AGMO: variants seen among roughly 807,000 people sequenced by gnomAD.
AGMO encodes glyceryl-ether monooxygenase.
A neutral mutation model predicts 60.2 loss-of-function variants in AGMO; 75 were observed. That is an observed-to-expected ratio of 1.25 (90% CI 1.03 to 1.51). AGMO has a LOEUF of 1.51. AGMO is among the 40% of genes most tolerant of loss of function. The pLI is 0.00. For synonymous variants in AGMO, 261 were observed against 177.1 expected, an observed-to-expected ratio of 1.47 and a Z score of -3.76; for missense variants, 763 against 525.5, an observed-to-expected ratio of 1.45 and a Z score of -4.42.
Position 15,517,335 on chromosome 7 carries a change from A to G in AGMO, c.409+27437T>C, listed in dbSNP as rs114660720. Reference sequence around the variant, plus strand: ...GTGGGGTGTGTGTGTGTGTGTGTGTATATACTTATTTTTTTATTAAGGCAC... The same window carrying G: ...GTGGGGTGTGTGTGTGTGTGTGTGTGTATACTTATTTTTTTATTAAGGCAC... On this transcript the variant is annotated intron_variant, in intron 3 of 12. Transcript: ENST00000342526. Among the ~76,000 whole-genome samples, 606 of 150,674 alleles carry G rather than the reference A, an allele frequency of 4.0e-3. 2 individuals are homozygous for G. Among genetic ancestry groups the G allele is most frequent in the African/African-American group, 0.013 (527 of 40,900 alleles).
chr7:15,336,296 GTTTA>G (rs1377577493), intron 12 of AGMO, among the ~76,000 whole-genome samples: 1 of 128,108 alleles, frequency 7.8e-6, no homozygotes, highest in Admixed American at 7.3e-5. Context: ...CAGTTCTTTT[GTTTA>G]TTTAGAAAAT....
At chr7:15,530,803 T>C (rs1264019710) in intron 3 of AGMO, among the ~76,000 whole-genome samples, 1 of 117,674 alleles carries the variant, frequency 8.5e-6, no homozygotes, top group Non-Finnish European at 1.7e-5. Context: ...CATTTCTCTA[T>C]ATATTCTATA....
chr7:15,370,200 C>T (rs1393034140), intron 10 of AGMO, among the ~76,000 whole-genome samples: 1 of 152,148 alleles, frequency 6.6e-6, no homozygotes, highest in Non-Finnish European at 1.5e-5. Flanking sequence ...TAATGGCCTC[C>T]AGCTGCATTC....
At chr7:15,514,046 C>A (rs1373884426) in intron 3 of AGMO, among the ~76,000 whole-genome samples, 1 of 152,132 alleles carries the variant, frequency 6.6e-6, no homozygotes, top group Non-Finnish European at 1.5e-5. Context: ...TTTAATACCA[C>A]CAATATGCTA....
intron 3 of AGMO, among the ~76,000 whole-genome samples, chr7:15,538,358 G>C (rs1784531639): frequency 6.6e-6 from 1 of 152,026 alleles, no homozygotes; most frequent in Non-Finnish European, 1.5e-5. Flanking sequence ...TCAGCCTTCT[G>C]AGCAGCTAGA....
At chr7:15,386,452 G>A (rs1296350425) in intron 9 of AGMO, among the ~76,000 whole-genome samples, 2 of 152,102 alleles carry the variant, frequency 1.3e-5, no homozygotes, top group African/African-American at 4.8e-5. Flanking sequence ...ATAATAAATC[G>A]ATCATAGCAA....
intron 12 of AGMO, among the ~76,000 whole-genome samples, chr7:15,338,315 T>C (rs1025466962): frequency 6.6e-6 from 1 of 152,194 alleles, no homozygotes; most frequent in Non-Finnish European, 1.5e-5. Flanking sequence ...TACACATTCA[T>C]CTGATAGCTG....
At chr7:15,481,427 A>T (rs939745964) in intron 3 of AGMO, among the ~76,000 whole-genome samples, 4 of 152,216 alleles carry the variant, frequency 2.6e-5, no homozygotes, top group African/African-American at 7.2e-5. Flanking sequence ...CTTGATTTTT[A>T]AAAAAACATA....
At position 15,226,832 on chromosome 7, in the gene AGMO, T is replaced by A. The variant is rs1243919020; in HGVS notation, c.1264-25473A>T. ...CTATTAAAGTCACTGTCTGAAGAAT[T>A]TTTATATTCATGAAAAATAGTCTGG... On this transcript the variant is annotated intron_variant, in intron 12 of 12. Coordinates refer to ENST00000342526, the MANE Select transcript of AGMO (RefSeq NM_001004320.2). 2.0e-5 allele frequency among the ~76,000 whole-genome samples: 3 copies of A among 152,204 alleles called. No individual in the cohort carries two copies. In the East Asian group the frequency reaches 5.8e-4, roughly 29 times the overall value.
chr7:15,442,049 CT>C (rs1245723791), intron 3 of AGMO, among the ~76,000 whole-genome samples: 1 of 152,166 alleles, frequency 6.6e-6, no homozygotes, highest in African/African-American at 2.4e-5. Flanking sequence ...AGAATAGAAA[CT>C]TTCAGTGTTA....
At chr7:15,173,444 A>T in the AGMO span, among the ~76,000 whole-genome samples, 1 of 152,140 alleles carries the variant, frequency 6.6e-6, no homozygotes, top group Non-Finnish European at 1.5e-5. Context: ...AGCCACATTG[A>T]TTTCTTAAAT....
chr7:15,429,567 T>G (rs1017015340), intron 4 of AGMO, among the ~76,000 whole-genome samples: 3 of 151,992 alleles, frequency 2.0e-5, no homozygotes, highest in Admixed American at 2.0e-4. Context: ...AAATTTCTGT[T>G]TTTTTAAGCT....
At chr7:15,235,039 T>C (rs963515161) in intron 12 of AGMO, among the ~76,000 whole-genome samples, 10 of 152,174 alleles carry the variant, frequency 6.6e-5, no homozygotes, top group Admixed American at 6.5e-4. Context: ...TACCATTTGC[T>C]GAAAACTTCA....
At chr7:15,257,187 T>C (rs1328749824) in intron 12 of AGMO, among the ~76,000 whole-genome samples, 1 of 152,160 alleles carries the variant, frequency 6.6e-6, no homozygotes, top group East Asian at 1.9e-4. Context: ...GAAAAATGCT[T>C]CAAATGCATT....
intron 10 of AGMO, among the ~76,000 whole-genome samples, chr7:15,375,178 TAAA>T (rs916702131): frequency 6.6e-6 from 1 of 152,048 alleles, no homozygotes; most frequent in African/African-American, 2.4e-5. Context: ...GAATGCTCCA[TAAA>T]ACTATTTTGT....
the AGMO span, among the ~76,000 whole-genome samples, chr7:15,144,988 C>A: frequency 2.0e-5 from 3 of 152,168 alleles, no homozygotes; most frequent in Admixed American, 2.0e-4. Flanking sequence ...CGCCGCCACG[C>A]TTTGCTAATT....
intron 12 of AGMO, among the ~76,000 whole-genome samples, chr7:15,229,669 A>T (rs1471432240): frequency 6.8e-6 from 1 of 147,990 alleles, no homozygotes; most frequent in African/African-American, 2.4e-5. Context: ...TTATGGGAAA[A>T]TGCGAAGTAT....
chr7:15,222,516 C>G lies in AGMO; in HGVS notation c.1264-21157G>C, dbSNP rs1038353236. ...ATGTTTTTCAATGTTAGTCATCTTGCTTTTTGGCTAGTCATTAGAAATGGT... is the reference window on the plus strand; with the variant it reads ...ATGTTTTTCAATGTTAGTCATCTTGGTTTTTGGCTAGTCATTAGAAATGGT... On this transcript the variant is annotated intron_variant, in intron 12 of 12. Coordinates refer to ENST00000342526, the MANE Select transcript of AGMO (RefSeq NM_001004320.2). 5.3e-5 allele frequency among the ~76,000 whole-genome samples: 8 copies of G among 152,140 alleles called. No homozygotes were observed. The East Asian group carries it at 1.5e-3, about 29-fold the overall frequency.
chr7:15,556,372 T>A (rs1459286204), intron 2 of AGMO, among the ~76,000 whole-genome samples: 4 of 151,894 alleles, frequency 2.6e-5, no homozygotes, highest in Admixed American at 2.0e-4. Context: ...CCCATATGTA[T>A]TAAAAGTGCA....
Sources: allele counts gnomAD v4.1 joint callset (sites outside exome capture counted in the v4.1 genomes callset), GRCh38; gene constraint gnomAD v4.1.1; transcripts MANE v1.5; gene names NCBI Gene and HGNC (gene_info 2026-07-23, HGNC 2026-07-21).